The following ZNF17 variants were observed in gnomAD, a reference collection of about 807,000 sequenced individuals.
ZNF17 encodes the protein zinc finger protein 17, also known as zinc finger protein 17 (HPF3, KOX 10).
In ZNF17, 4 loss-of-function variants were observed where a neutral mutation model predicts 7.7. The observed-to-expected ratio is 0.52, with a 90% confidence interval of 0.26 to 1.20. The LOEUF (loss-of-function observed/expected upper bound fraction) is 1.20. Ranked by LOEUF, ZNF17 falls within the 50% of genes most tolerant of loss-of-function variation. The pLI is 0.14. For missense variants in ZNF17, 738 were observed against 799.5 expected (o/e 0.92, Z 0.93); for synonymous variants, 249 against 258.8 (o/e 0.96, Z 0.36).
At chr19:57,411,983 A>T (rs1397027261) in intron 1 of ZNF17, among the ~76,000 whole-genome samples, 1 of 152,058 alleles carries the variant, frequency 6.6e-6, no homozygotes, top group East Asian at 1.9e-4. Flanking sequence ...GGAGTTGGAG[A>T]AGTCAGCTTA....
At chr19:57,411,738 GT>G (rs769172298) in intron 1 of ZNF17, 8 of 1,126,358 alleles carry the variant, frequency 7.1e-6, no homozygotes, top group East Asian at 4.2e-5. Context: ...AGAGGTAGAC[GT>G]TTAAAGTTGG....
In ZNF17 at chr19:57,413,594, A is replaced by T. The variant is rs746100229; in HGVS notation, c.-20-2A>T. The stretch of plus-strand genomic sequence containing the variant: ...ATCCTCATGGCCTGCCTCTTCCCAC[A>T]GGGTTCATAGCAGTGGCAGCAATGC... On this transcript the variant is annotated splice_acceptor_variant, in intron 1 of 3. Coordinates refer to ENST00000307658, the MANE Select transcript of ZNF17 (RefSeq NM_001330617.2). LOFTEE classifies it low-confidence loss of function (5UTR_SPLICE). The T allele has an allele frequency of 6.5e-7, 1 of 1,535,998 alleles. No individual in the cohort carries two copies. Among genetic ancestry groups the T allele is most frequent in the South Asian group, 1.2e-5 (1 of 84,060 alleles).
At chr19:57,411,907 G>A (rs2088779720) in intron 1 of ZNF17, among the ~76,000 whole-genome samples, 1 of 152,188 alleles carries the variant, frequency 6.6e-6, no homozygotes, top group African/African-American at 2.4e-5. Flanking sequence ...TGCATCAAAT[G>A]TAGCAGTGAG....
At chr19:57,417,817 A>T in intron 2 of ZNF17, 95 bp from the exon 3 acceptor site, 1 of 1,497,076 alleles carries the variant, frequency 6.7e-7, no homozygotes, top group South Asian at 1.2e-5. Flanking sequence ...ACTGCACTCC[A>T]GCCTGGCAAC....
rs567613196 is a variant in ZNF17, at chr19:57,419,985, C to T, written c.499C>T (p.Gln167Ter). Residue 167 changes from glutamine (Q) to a stop codon, truncating the protein, a stop_gained, in exon 4 of 4, where the codon CAG becomes TAG. Coordinates refer to ENST00000307658, the MANE Select transcript of ZNF17 (RefSeq NM_001330617.2). LOFTEE classifies it low-confidence loss of function (END_TRUNC). ...DFTGDSDLQQQALHSGWKPHR... is the reference protein window; with the variant it reads ...DFTGDSDLQQ ...TACTGGTGATTCAGATCTTCAACAA[C>T]AGGCTCTTCACAGTGGGTGGAAGCC... The T allele has an allele frequency of 2.5e-6, 4 of 1,614,228 alleles. No individual in the cohort carries two copies. Among genetic ancestry groups the T allele is most frequent in the Non-Finnish European group, 1.7e-6 (2 of 1,180,036 alleles).
chr19:57,412,328 C>T (rs573951116), intron 1 of ZNF17, among the ~76,000 whole-genome samples: 6 of 152,278 alleles, frequency 3.9e-5, no homozygotes, highest in Admixed American at 1.3e-4. Flanking sequence ...AGTCAAGGGC[C>T]TCCAGCAAGC....
intron 3 of ZNF17, among the ~76,000 whole-genome samples, chr19:57,418,545 G>C (rs1482533596): frequency 6.6e-6 from 1 of 152,096 alleles, no homozygotes; most frequent in Non-Finnish European, 1.5e-5. Flanking sequence ...CCCTTTCCCT[G>C]TCTTTCCCCT....
chr19:57,420,415 G>A lies in ZNF17; in HGVS notation c.929G>A (p.Gly310Glu), dbSNP rs1463252040. The change falls in exon 4 of 4, where the codon GGG becomes GAG. Residue 310 changes from glycine to glutamate, a missense_variant. By Grantham distance (98) the Gly-to-Glu change is moderately conservative. Transcript: ENST00000307658. ...RPRPYVCSEC[G>E]KAFLTQAHLV... ...AGGCCTTATGTGTGTAGTGAATGTGGGAAGGCCTTCCTTACACAGGCTCAC... is the reference window on the plus strand; with the variant it reads ...AGGCCTTATGTGTGTAGTGAATGTGAGAAGGCCTTCCTTACACAGGCTCAC... 3 of 1,614,054 alleles carry A rather than the reference G, an allele frequency of 1.9e-6. No homozygotes were observed. The highest frequency in any genetic ancestry group is 1.7e-6 in the Non-Finnish European group (2 of 1,180,040).
At position 57,411,437 on chromosome 19, in the gene ZNF17, G is replaced by A. The variant is rs779381726; in HGVS notation, c.-21+31G>A. 5.6e-6 allele frequency: 9 copies of A among 1,606,932 alleles called. No individual in the cohort carries two copies. The African/African-American group carries it at 1.2e-4, about 21-fold the overall frequency. The stretch of plus-strand genomic sequence containing the variant: ...TGCCGCGTCCCAGGGCGCCCCGCCC[G>A]ATCCCTCCTCCGAGTGCCGAAGCCC... On this transcript the variant is annotated intron_variant, in intron 1 of 3. Coordinates refer to ENST00000307658, the MANE Select transcript of ZNF17 (RefSeq NM_001330617.2).
Position 57,421,507 on chromosome 19 carries a change from G to T in ZNF17, c.*26G>T. The T allele has an allele frequency of 6.5e-7, 1 of 1,549,776 alleles. No homozygotes were observed. The highest frequency in any genetic ancestry group is 1.3e-5 in the South Asian group (1 of 79,968). ...AGAATGTATATATAAAGCAGATGGG[G>T]AAAGACTTCACACAGAAATCTACTC... On this transcript the variant is annotated 3_prime_UTR_variant, in exon 4 of 4. Coordinates refer to ENST00000307658, the MANE Select transcript of ZNF17 (RefSeq NM_001330617.2).
intron 2 of ZNF17, among the ~76,000 whole-genome samples, chr19:57,416,096 G>C (rs2088809788): frequency 6.6e-6 from 1 of 152,106 alleles, no homozygotes; most frequent in Admixed American, 6.5e-5. Flanking sequence ...AGAATATGTG[G>C]GTTTGGAAAG....
chr19:57,417,453 G>T (rs562998611), intron 2 of ZNF17, among the ~76,000 whole-genome samples: 1 of 152,256 alleles, frequency 6.6e-6, no homozygotes, highest in Non-Finnish European at 1.5e-5. Context: ...CAGTCTATGG[G>T]ATCTGGATTA....
chr19:57,411,689 C>T (rs141157096), intron 1 of ZNF17: 18,148 of 1,328,840 alleles, frequency 0.014, 141 homozygotes, highest in Non-Finnish European at 0.016. Context: ...AGCGGAGCTG[C>T]TGAAAGCCGT....
intron 1 of ZNF17, 140 bp from the exon 2 acceptor site, chr19:57,413,456 A>C: frequency 1.2e-6 from 1 of 818,226 alleles, no homozygotes; most frequent in Non-Finnish European, 2.0e-6. Flanking sequence ...TTCAGTCCTC[A>C]TCAAGACACT....
chr19:57,413,819 TTCTCACAACTG>T (rs2088794004), intron 2 of ZNF17, among the ~76,000 whole-genome samples, 183 bp downstream of exon 2: 1 of 152,180 alleles, frequency 6.6e-6, no homozygotes, highest in African/African-American at 2.4e-5. Context: ...GTGGTTCTAG[TTCTCACAACTG>T]ATGGTTTGAG....
In ZNF17 at chr19:57,420,681, T is replaced by C. The variant is rs1268967583; in HGVS notation, c.1195T>C (p.Tyr399His). 5 of 1,613,620 alleles carry C rather than the reference T, an allele frequency of 3.1e-6. No individual in the cohort carries two copies. Among genetic ancestry groups the C allele is most frequent in the Non-Finnish European group, 4.2e-6 (5 of 1,179,892 alleles). The change falls in exon 4 of 4, where the codon TAC becomes CAC. Residue 399 changes from tyrosine (Y) to histidine (H), a missense_variant. Coordinates refer to ENST00000307658, the MANE Select transcript of ZNF17 (RefSeq NM_001330617.2). The stretch of plus-strand genomic sequence containing the variant: ...CAACGAATGTGGGAAATTCTTTAGA[T>C]ACCGTTCCACACTCATTAGACATCA... ...ECNECGKFFRYRSTLIRHQKV... is the reference protein window; with the variant it reads ...ECNECGKFFRHRSTLIRHQKV...
chr19:57,414,657 G>T (rs568117287), intron 2 of ZNF17, among the ~76,000 whole-genome samples: 1 of 151,726 alleles, frequency 6.6e-6, no homozygotes, highest in Non-Finnish European at 1.5e-5. Context: ...TAATCTGAGG[G>T]GGGTAGTAGC....
intron 2 of ZNF17, among the ~76,000 whole-genome samples, chr19:57,416,542 G>C (rs1436932660): frequency 6.6e-6 from 1 of 151,690 alleles, no homozygotes; most frequent in East Asian, 1.9e-4. Context: ...ATGGAGTCTA[G>C]CTCTGTTGCC....
chr19:57,411,693 A>G, intron 1 of ZNF17: 1 of 1,322,406 alleles, frequency 7.6e-7, no homozygotes. Context: ...GAGCTGCTGA[A>G]AGCCGTAGAA....
Sources: gnomAD v4.1 joint callset for allele counts (sites outside exome capture counted in the v4.1 genomes callset) on GRCh38, gnomAD v4.1.1 for gene constraint, MANE v1.5 for transcripts, NCBI Gene and HGNC (gene_info 2026-07-23, HGNC 2026-07-21) for gene names.